Variants in RAD51B observed in about 807,000 individuals in gnomAD.
RAD51B encodes the protein DNA repair protein RAD51 homolog 2.
RAD51B carries 38 observed loss-of-function variants against 42.2 expected under a neutral mutation model. That is an observed-to-expected ratio of 0.90 (90% CI 0.70 to 1.18). The LOEUF (loss-of-function observed/expected upper bound fraction) is 1.18. RAD51B is among the 50% of genes most tolerant of loss of function. The pLI is 0.00. For missense variants in RAD51B, 373 were observed against 400.7 expected (o/e 0.93, Z 0.59); for synonymous variants, 154 against 145.2 (o/e 1.06, Z -0.43).
intron 7 of RAD51B, among the ~76,000 whole-genome samples, chr14:68,050,268 T>TTTTTC (rs147245086): frequency 0.17 from 25,404 of 150,676 alleles, 2,304 homozygotes; most frequent in Middle Eastern, 0.32. Flanking sequence ...TCTCTTTTCT[T>TTTTTC]TTTTCTTTTC....
chr14:68,613,226 C>T (rs898025160), downstream of RAD51B, among the ~76,000 whole-genome samples: 1 of 151,900 alleles, frequency 6.6e-6, no homozygotes, highest in African/African-American at 2.4e-5. Context: ...GACCAGCCTG[C>T]CCAACATGGT....
Position 68,022,010 on chromosome 14 carries a change from TCTTGAATCAGTTTATTTG to T in RAD51B, c.756+134811_756+134828del, listed in dbSNP as rs1175378762. Among the ~76,000 whole-genome samples, 4 of 152,170 alleles carry T rather than the reference TCTTGAATCAGTTTATTTG, an allele frequency of 2.6e-5. No individual in the cohort carries two copies. In the East Asian group the frequency reaches 7.7e-4, roughly 29 times the overall value. ...ACAACAATGAAGTTTGTTGATTGAC[TCTTGAATCAGTTTATTTG>T]CTTGGTAATAAGAGTAGTACCCAAT... On this transcript the variant is annotated intron_variant, in intron 7 of 10. Coordinates refer to ENST00000471583, the MANE Select transcript of RAD51B (RefSeq NM_133510.4).
rs12590536 is a variant in RAD51B, at chr14:68,646,651, A to T, written c.1037-4130A>T. On this transcript the variant is annotated intron_variant, in intron 10 of 11. Coordinates refer to the RAD51B transcript ENST00000488612. ...CAGCCCCTTCTTACTTAGATTACAT[A>T]TATCTATTCACCTGTATTTGCTTCA... 1.2e-3 allele frequency among the ~76,000 whole-genome samples: 190 copies of T among 152,290 alleles called. 8 individuals carry two copies. In the East Asian group the frequency reaches 0.035, roughly 28 times the overall value.
intron 11 of RAD51B, among the ~76,000 whole-genome samples, chr14:68,679,874 T>C (rs1566971087): frequency 6.6e-6 from 1 of 152,270 alleles, no homozygotes; most frequent in Non-Finnish European, 1.5e-5. Flanking sequence ...GTAGTCCATA[T>C]GCACTTCTTT....
chr14:68,379,141 A>G (rs888958207), intron 8 of RAD51B, among the ~76,000 whole-genome samples: 2 of 152,336 alleles, frequency 1.3e-5, no homozygotes, highest in South Asian at 4.1e-4. Context: ...TCAGTCTGAC[A>G]TAAGTCTCAT....
At chr14:68,505,222 GCA>G (rs1885223022) in intron 10 of RAD51B, among the ~76,000 whole-genome samples, 1 of 152,204 alleles carries the variant, frequency 6.6e-6, no homozygotes, top group African/African-American at 2.4e-5. Context: ...CCCCATGCCC[GCA>G]CACACACAGC....
intron 7 of RAD51B, among the ~76,000 whole-genome samples, chr14:68,124,569 A>T (rs2077716562): frequency 6.6e-6 from 1 of 152,270 alleles, no homozygotes; most frequent in East Asian, 1.9e-4. Flanking sequence ...GTTCATTTTG[A>T]TTAGTACATA....
At chr14:67,869,752 A>G (rs1264165997) in intron 5 of RAD51B, among the ~76,000 whole-genome samples, 1 of 152,248 alleles carries the variant, frequency 6.6e-6, no homozygotes, top group Non-Finnish European at 1.5e-5. Context: ...CAGAAACTCT[A>G]CAAGCCAGAA....
intron 5 of RAD51B, among the ~76,000 whole-genome samples, chr14:67,875,772 C>G (rs2042705640): frequency 6.6e-6 from 1 of 152,108 alleles, no homozygotes; most frequent in Admixed American, 6.6e-5. Flanking sequence ...GTCATTCTTT[C>G]TGGATTTGTA....
chr14:68,584,386 G>A (rs957128988), intron 10 of RAD51B, among the ~76,000 whole-genome samples: 1 of 152,158 alleles, frequency 6.6e-6, no homozygotes, highest in Non-Finnish European at 1.5e-5. Context: ...CAGGGTGTTG[G>A]TGGGAGTCAC....
At chr14:68,372,556 T>C (rs2139956283) in intron 8 of RAD51B, among the ~76,000 whole-genome samples, 1 of 152,196 alleles carries the variant, frequency 6.6e-6, no homozygotes, top group Non-Finnish European at 1.5e-5. Context: ...CTTCAAGAGA[T>C]ACAAAAGCAA....
chr14:68,404,354 T>A lies in RAD51B; in HGVS notation c.854-7070T>A, dbSNP rs2084204312. On this transcript the variant is annotated intron_variant, in intron 8 of 10. Coordinates refer to ENST00000471583, the MANE Select transcript of RAD51B (RefSeq NM_133510.4). ...AGAGAAGGTTCACTTATCTGTTTCC[T>A]AACCAATTAGGTCATCTTGCAGGAA... Among the ~76,000 whole-genome samples the A allele has an allele frequency of 2.0e-5, 3 of 152,188 alleles. No homozygotes were observed. In the South Asian group the frequency reaches 6.2e-4, roughly 32 times the overall value.
chr14:68,183,746 G>T (rs1398270774), intron 7 of RAD51B, among the ~76,000 whole-genome samples: 1 of 152,026 alleles, frequency 6.6e-6, no homozygotes, highest in Non-Finnish European at 1.5e-5. Context: ...TCAGGAGTTT[G>T]AGACCAGCCT....
In RAD51B at chr14:68,647,700, TTTG is replaced by T. The variant is rs367641918; in HGVS notation, c.1037-3065_1037-3063del. 1.7e-4 allele frequency among the ~76,000 whole-genome samples: 26 copies of T among 152,074 alleles called. 1 individual carries two copies. Among genetic ancestry groups the T allele is most frequent in the African/African-American group, 5.3e-4 (22 of 41,516 alleles). ...TTTAAAGCCTTGATTGACTGATTAA[TTTG>T]TTGTTGTTGTTGTTGCCCAGGCTGG... On this transcript the variant is annotated intron_variant, in intron 10 of 11. Coordinates refer to the RAD51B transcript ENST00000488612.
At chr14:68,073,012 T>C (rs1434348891) in intron 7 of RAD51B, among the ~76,000 whole-genome samples, 1 of 152,202 alleles carries the variant, frequency 6.6e-6, no homozygotes, top group Non-Finnish European at 1.5e-5. Flanking sequence ...ATGCTGTTTT[T>C]GTTGGGTGCA....
intron 10 of RAD51B, among the ~76,000 whole-genome samples, chr14:68,604,190 G>A (rs564931107): frequency 1.3e-5 from 2 of 152,326 alleles, no homozygotes; most frequent in Admixed American, 6.5e-5. Flanking sequence ...CGCGAGAGTG[G>A]CTGGAGAAGG....
At chr14:68,439,060 A>G (rs1344904776) in intron 9 of RAD51B, among the ~76,000 whole-genome samples, 1 of 151,886 alleles carries the variant, frequency 6.6e-6, no homozygotes, top group Non-Finnish European at 1.5e-5. Context: ...GACCTTTACA[A>G]TTTGCATTTC....
chr14:68,280,930 G>A (rs1338817254), intron 7 of RAD51B, among the ~76,000 whole-genome samples: 1 of 152,110 alleles, frequency 6.6e-6, no homozygotes, highest in Non-Finnish European at 1.5e-5. Flanking sequence ...GGTGGTGCAT[G>A]CCTCTGTTCC....
At chr14:68,115,319 C>G (rs1250971040) in intron 7 of RAD51B, among the ~76,000 whole-genome samples, 5 of 129,484 alleles carry the variant, frequency 3.9e-5, no homozygotes, top group African/African-American at 1.9e-4. Context: ...ACGGCATATT[C>G]TCACTCATAG....
Sources: gnomAD v4.1 joint callset for allele counts (sites outside exome capture counted in the v4.1 genomes callset) on GRCh38, gnomAD v4.1.1 for gene constraint, MANE v1.5 for transcripts, NCBI Gene and HGNC (gene_info 2026-07-23, HGNC 2026-07-21) for gene names.